SRGAP3: variants seen among roughly 807,000 people sequenced by gnomAD.
The protein encoded by SRGAP3 is SLIT-ROBO Rho GTPase activating protein 3.
A neutral mutation model predicts 121.1 loss-of-function variants in SRGAP3; 39 were observed. That is an observed-to-expected ratio of 0.32 (90% CI 0.25 to 0.42). SRGAP3 has a LOEUF of 0.42. SRGAP3 is among the 10% of genes least tolerant of loss of function. The pLI is 1.00. For missense variants in SRGAP3, 1,213 were observed against 1,470.6 expected, an observed-to-expected ratio of 0.82 and a Z score of 2.86; for synonymous variants, 601 against 570.0, an observed-to-expected ratio of 1.05 and a Z score of -0.77.
At chr3:9,288,135 T>G (rs1240237791) in intron 3 of SRGAP3, among the ~76,000 whole-genome samples, 5 of 150,480 alleles carry the variant, frequency 3.3e-5, no homozygotes, top group Non-Finnish European at 5.9e-5. Context: ...TCTTTGTTTT[T>G]TTTTTTTTTT....
chr3:9,179,020 C>T (rs1377589224), intron 1 of SRGAP3, among the ~76,000 whole-genome samples: 1 of 152,192 alleles, frequency 6.6e-6, no homozygotes, highest in Non-Finnish European at 1.5e-5. Context: ...CTGTTCATAC[C>T]AGCCTCTGTC....
intron 2 of SRGAP3, among the ~76,000 whole-genome samples, chr3:9,121,358 C>A (rs1416457686): frequency 6.6e-6 from 1 of 152,188 alleles, no homozygotes; most frequent in African/African-American, 2.4e-5. Flanking sequence ...TCGGAACAGC[C>A]CAGATGAAGG....
chr3:9,305,409 ATTTTT>A (rs1955141937), intron 3 of SRGAP3, among the ~76,000 whole-genome samples: 1 of 50,510 alleles, frequency 2.0e-5, no homozygotes. Flanking sequence ...GCTGTTTTTT[ATTTTT>A]ATTTTTTTAT....
At chr3:9,124,587 A>T in intron 2 of SRGAP3, 138 bp downstream of exon 2, 5 of 1,085,316 alleles carry the variant, frequency 4.6e-6, no homozygotes, top group Non-Finnish European at 6.8e-6. Flanking sequence ...AGGTGTAAGT[A>T]ACCTGCAGAG....
chr3:9,260,147 G>C (rs781507971), intron 3 of SRGAP3, among the ~76,000 whole-genome samples: 1 of 152,124 alleles, frequency 6.6e-6, no homozygotes, highest in Non-Finnish European at 1.5e-5. Context: ...CATTGTCTTC[G>C]CAACCCACCG....
rs1449884697 is a variant in SRGAP3 at position 9,015,602 on chromosome 3, G to A, written c.1808C>T (p.Thr603Ile). 2.5e-6 allele frequency: 4 copies of A among 1,614,096 alleles called. No homozygotes were observed. In the Admixed American group the frequency reaches 6.7e-5, roughly 27 times the overall value. ...PKERFQDLIS[T>I]IKLENPAERV... Reference sequence around the variant, plus strand: ...TTCACCTGGGAAATACTTACTAATAGTAGATATCAAATCTTGAAACCTTTC... The same window carrying A: ...TTCACCTGGGAAATACTTACTAATAATAGATATCAAATCTTGAAACCTTTC... The change falls in exon 15 of 22, where the codon ACT (threonine) becomes ATT (isoleucine). Residue 603 changes from threonine to isoleucine, a missense_variant. Thr to Ile is a moderately conservative substitution (Grantham distance 89). Coordinates refer to ENST00000383836, the MANE Select transcript of SRGAP3 (RefSeq NM_014850.4).
At chr3:9,316,393 T>A (rs1955346701) in intron 3 of SRGAP3, among the ~76,000 whole-genome samples, 1 of 142,394 alleles carries the variant, frequency 7.0e-6, no homozygotes, top group Non-Finnish European at 1.5e-5. Flanking sequence ...GCGCGGTGGC[T>A]CACGCCTGTA....
At chr3:9,025,167 G>T in intron 14 of SRGAP3, 94 bp downstream of exon 14, 1 of 1,312,874 alleles carries the variant, frequency 7.6e-7, no homozygotes. Context: ...ACCACTGCAG[G>T]CTGGCTTCTG....
intron 3 of SRGAP3, chr3:9,292,470 C>T (rs921836089): frequency 6.6e-6 from 1 of 152,096 alleles, no homozygotes; most frequent in Non-Finnish European, 1.5e-5. Context: ...ACTTATTGTC[C>T]ATCTCATTGA....
At chr3:9,063,808 G>C (rs971994876) in intron 5 of SRGAP3, among the ~76,000 whole-genome samples, 1 of 152,124 alleles carries the variant, frequency 6.6e-6, no homozygotes, top group African/African-American at 2.4e-5. Context: ...TCAAAACCCA[G>C]CTCATTTGAC....
chr3:9,169,271 A>G (rs1222446087), intron 1 of SRGAP3, among the ~76,000 whole-genome samples: 1 of 152,238 alleles, frequency 6.6e-6, no homozygotes, highest in Admixed American at 6.5e-5. Flanking sequence ...GATTATAATC[A>G]TTATATATGA....
intron 1 of SRGAP3, among the ~76,000 whole-genome samples, chr3:9,146,854 G>C (rs552676324): frequency 6.6e-6 from 1 of 152,316 alleles, no homozygotes; most frequent in Middle Eastern, 3.4e-3. Flanking sequence ...ACCACAGCAT[G>C]AGCAGAATTG....
chr3:9,244,940 G>T (rs140364785), intron 1 of SRGAP3, among the ~76,000 whole-genome samples: 12 of 152,276 alleles, frequency 7.9e-5, no homozygotes, highest in East Asian at 3.9e-4. Context: ...GTGCACTGAG[G>T]GGGTGAGCAG....
chr3:9,333,463 C>T (rs2600169), intron 1 of SRGAP3, among the ~76,000 whole-genome samples: 7,089 of 152,210 alleles, frequency 0.047, 345 homozygotes, highest in East Asian at 0.31. Context: ...TGATTTCAAT[C>T]GCTTGGCCCC....
chr3:9,103,825 C>G (rs555468316), intron 3 of SRGAP3, among the ~76,000 whole-genome samples: 1 of 152,188 alleles, frequency 6.6e-6, no homozygotes, highest in Non-Finnish European at 1.5e-5. Flanking sequence ...GTGCAAGGAA[C>G]GTGGGATACA....
intron 1 of SRGAP3, among the ~76,000 whole-genome samples, chr3:9,354,639 G>A (rs1204570880): frequency 2.8e-5 from 4 of 142,790 alleles, no homozygotes; most frequent in African/African-American, 5.3e-5. Flanking sequence ...CCGAGATTGC[G>A]CCACTGCACT....
intron 1 of SRGAP3, among the ~76,000 whole-genome samples, chr3:9,162,557 G>C (rs1373201014): frequency 6.6e-6 from 1 of 152,178 alleles, no homozygotes; most frequent in African/African-American, 2.4e-5. Flanking sequence ...TGGTCCACTT[G>C]CAGGCCCCTG....
chr3:9,203,654 CT>C (rs1952149685), intron 1 of SRGAP3, among the ~76,000 whole-genome samples: 1 of 152,216 alleles, frequency 6.6e-6, no homozygotes. Flanking sequence ...ATATTGGCCC[CT>C]GAGCTATAAG....
At chr3:9,150,065 T>C (rs1300875363) in intron 1 of SRGAP3, among the ~76,000 whole-genome samples, 1 of 152,062 alleles carries the variant, frequency 6.6e-6, no homozygotes. Context: ...CAAGCAACTG[T>C]AATCCAGTGA....
Sources: allele counts gnomAD v4.1 joint callset (sites outside exome capture counted in the v4.1 genomes callset), GRCh38; gene constraint gnomAD v4.1.1; transcripts MANE v1.5; gene names NCBI Gene and HGNC (gene_info 2026-07-23, HGNC 2026-07-21).